LRRC37A2: variants seen among roughly 807,000 people sequenced by gnomAD.
The protein encoded by LRRC37A2 is leucine rich repeat containing 37 member A2, also known as leucine-rich repeat-containing protein 37A2.
A neutral mutation model predicts 68.8 loss-of-function variants in LRRC37A2; 9 were observed. That is an observed-to-expected ratio of 0.13 (90% CI 0.08 to 0.23). The LOEUF (loss-of-function observed/expected upper bound fraction) is 0.23, where lower values mean the gene tolerates loss of function less well. Among genes scored for constraint, LRRC37A2 ranks in the 10% least tolerant of loss-of-function variants. LRRC37A2 has a pLI of 1.00. For synonymous variants in LRRC37A2, 63 were observed against 367.6 expected (o/e 0.17, Z 9.48); for missense variants, 168 against 950.4 (o/e 0.18, Z 10.82).
the LRRC37A2 span, chr17:47,018,642 G>A: frequency 1.3e-6 from 2 of 1,520,466 alleles, no homozygotes; most frequent in East Asian, 4.5e-5. Flanking sequence ...TCAGTCTCCG[G>A]AACCTATTAA....
chr17:46,994,997 C>T, the LRRC37A2 span, among the ~76,000 whole-genome samples: 2 of 152,148 alleles, frequency 1.3e-5, no homozygotes, highest in African/African-American at 2.4e-5. Flanking sequence ...GTGGTGTGCA[C>T]CTGTAGTCCC....
chr17:46,609,776 A>C, the LRRC37A2 span, among the ~76,000 whole-genome samples: 1 of 143,724 alleles, frequency 7.0e-6, no homozygotes, highest in African/African-American at 2.6e-5. Flanking sequence ...TGCAGCATTG[A>C]AGATGTGCAG....
chr17:46,960,297 T>G, the LRRC37A2 span, among the ~76,000 whole-genome samples: 1 of 152,094 alleles, frequency 6.6e-6, no homozygotes, highest in Admixed American at 6.5e-5. Context: ...CACAATGAGG[T>G]GTCACTACAC....
the LRRC37A2 span, among the ~76,000 whole-genome samples, chr17:46,852,843 G>A: frequency 6.6e-6 from 1 of 152,234 alleles, no homozygotes; most frequent in South Asian, 2.1e-4. Flanking sequence ...GGTATGTAAA[G>A]GTCTGAGAAG....
At chr17:46,936,008 C>G in the LRRC37A2 span, 11 of 985,670 alleles carry the variant, frequency 1.1e-5, no homozygotes, top group Non-Finnish European at 1.3e-5. Flanking sequence ...TTGAGTCTGT[C>G]AGCTCCACAG....
the LRRC37A2 span, among the ~76,000 whole-genome samples, chr17:46,793,419 C>A: frequency 2.6e-5 from 4 of 151,788 alleles, no homozygotes; most frequent in South Asian, 8.3e-4. Flanking sequence ...TTGGGGTTAA[C>A]ATCCCTGTAA....
the LRRC37A2 span, among the ~76,000 whole-genome samples, chr17:46,491,332 T>C: frequency 6.7e-5 from 10 of 149,536 alleles, no homozygotes; most frequent in South Asian, 4.2e-4. Flanking sequence ...GGACTTCTAG[T>C]TGAAAACTCA....
At chr17:46,601,844 A>G in the LRRC37A2 span, among the ~76,000 whole-genome samples, 1 of 150,958 alleles carries the variant, frequency 6.6e-6, no homozygotes, top group Non-Finnish European at 1.5e-5. Flanking sequence ...TCTTTTCCGT[A>G]TGAATTCTGG....
chr17:46,621,243 C>T, the LRRC37A2 span, among the ~76,000 whole-genome samples: 37 of 149,996 alleles, frequency 2.5e-4, no homozygotes, highest in Non-Finnish European at 1.6e-4. Context: ...TGAATGAAGC[C>T]GTTAAAGGCT....
chr17:47,010,936 T>A, the LRRC37A2 span, among the ~76,000 whole-genome samples: 1 of 152,298 alleles, frequency 6.6e-6, no homozygotes, highest in East Asian at 1.9e-4. Flanking sequence ...TGGATTGTTG[T>A]TTGTCCGAAA....
the LRRC37A2 span, among the ~76,000 whole-genome samples, chr17:46,974,235 C>T: frequency 2.0e-5 from 3 of 152,218 alleles, no homozygotes; most frequent in East Asian, 1.9e-4. Flanking sequence ...GTTTCTGGGG[C>T]GCTGGCCAGG....
chr17:46,855,784 C>T, the LRRC37A2 span, among the ~76,000 whole-genome samples: 1 of 150,488 alleles, frequency 6.6e-6, no homozygotes, highest in Non-Finnish European at 1.5e-5. Context: ...TTGCAACCTC[C>T]ACCTCCCAAG....
chr17:46,771,966 G>A, the LRRC37A2 span, among the ~76,000 whole-genome samples: 3 of 148,292 alleles, frequency 2.0e-5, no homozygotes, highest in African/African-American at 4.9e-5. Context: ...TCCGGCCGCC[G>A]ACCCCGCCGC....
chr17:46,525,608 A>AATG (rs1213156284), intron 6 of LRRC37A2, among the ~76,000 whole-genome samples: 1 of 118,488 alleles, frequency 8.4e-6, no homozygotes, highest in Non-Finnish European at 1.8e-5. Flanking sequence ...ATAATATAAT[A>AATG]ATAATAATCA....
chr17:46,783,794 TC>T, the LRRC37A2 span, among the ~76,000 whole-genome samples: 1 of 151,992 alleles, frequency 6.6e-6, no homozygotes, highest in East Asian at 1.9e-4. Flanking sequence ...GTGGCATGCC[TC>T]CCCAAGCCAG....
At chr17:46,495,812 CGTATT>C in the LRRC37A2 span, among the ~76,000 whole-genome samples, 2 of 134,124 alleles carry the variant, frequency 1.5e-5, no homozygotes, top group Non-Finnish European at 3.1e-5. Context: ...TGTTTTAAAA[CGTATT>C]GTTTAATTTT....
At chr17:46,497,158 C>T in the LRRC37A2 span, among the ~76,000 whole-genome samples, 5 of 103,168 alleles carry the variant, frequency 4.8e-5, no homozygotes, top group African/African-American at 7.4e-5. Flanking sequence ...CCTCCCAAAA[C>T]GCTGGGATTA....
the LRRC37A2 span, among the ~76,000 whole-genome samples, chr17:46,729,810 G>A: frequency 2.0e-5 from 3 of 152,020 alleles, no homozygotes; most frequent in Non-Finnish European, 4.4e-5. Flanking sequence ...ATATATGTGC[G>A]TGTATTTTGC....
At chr17:46,765,024 A>G in the LRRC37A2 span, among the ~76,000 whole-genome samples, 135 of 152,358 alleles carry the variant, frequency 8.9e-4, 1 homozygote, top group African/African-American at 3.0e-3. Context: ...TACCGCACCA[A>G]ATAGCTTGAT....
Sources: allele counts gnomAD v4.1 joint callset (sites outside exome capture counted in the v4.1 genomes callset), GRCh38; gene constraint gnomAD v4.1.1; transcripts MANE v1.5; gene names NCBI Gene and HGNC (gene_info 2026-07-23, HGNC 2026-07-21).